AR: variants seen among roughly 807,000 people sequenced by gnomAD.
AR encodes androgen receptor, also known as dihydrotestosterone receptor.
In AR, 8 loss-of-function variants were observed where a neutral mutation model predicts 53.9. The observed-to-expected ratio is 0.15, with a 90% CI of 0.09 to 0.27. The LOEUF (loss-of-function observed/expected upper bound fraction) is 0.27. Among genes scored for constraint, AR ranks in the 10% least tolerant of loss-of-function variants. The probability of loss-of-function intolerance (pLI) is 1.00; values close to 1 mark genes in which losing one functional copy is unlikely to be tolerated. For synonymous variants in AR, 359 were observed against 316.4 expected (o/e 1.13, Z -1.43); for missense variants, 639 against 742.5 (o/e 0.86, Z 1.62).
At chrX:67,714,743 T>C (rs184512189) in intron 4 of AR, among the ~76,000 whole-genome samples, 66 of 112,187 alleles carry the variant, frequency 5.9e-4, no homozygotes, top group African/African-American at 2.1e-3. Flanking sequence ...CAAATGGGTG[T>C]TGAGTGAATG....
At chrX:67,675,183 C>T (rs977312851) in intron 2 of AR, among the ~76,000 whole-genome samples, 2 of 108,376 alleles carry the variant, frequency 1.8e-5, no homozygotes, top group African/African-American at 6.7e-5. Context: ...AGACCAAGTC[C>T]TCTTTACTCT....
intron 1 of AR, among the ~76,000 whole-genome samples, chrX:67,586,823 T>C (rs915386547): frequency 8.9e-6 from 1 of 111,733 alleles, no homozygotes; most frequent in African/African-American, 3.3e-5. Flanking sequence ...GTTATAGAGT[T>C]GGCCCCAGCT....
intron 3 of AR, chrX:67,694,979 A>G: frequency 2.1e-6 from 2 of 948,029 alleles, no homozygotes; most frequent in Non-Finnish European, 2.6e-6. Context: ...TGTGAGTATC[A>G]TGATTATTGT....
At chrX:67,708,576 C>T (rs192985930) in intron 3 of AR, among the ~76,000 whole-genome samples, 67 of 111,548 alleles carry the variant, frequency 6.0e-4, no homozygotes, top group African/African-American at 1.9e-3. Flanking sequence ...AACTTCTTTG[C>T]GATGGGTTCA....
intron 2 of AR, among the ~76,000 whole-genome samples, chrX:67,669,429 A>G (rs1279475905): frequency 9.0e-6 from 1 of 111,606 alleles, no homozygotes; most frequent in African/African-American, 3.2e-5. Context: ...GCAATTGTTA[A>G]TAATTTTTTT....
rs368345903 is a variant in AR at position 67,546,103 on chromosome X, G to T, written c.957G>T (p.Gly319=). 9.1e-6 allele frequency: 11 copies of T among 1,211,182 alleles called. No individual in the cohort carries two copies. The highest frequency in any genetic ancestry group is 1.2e-5 in the Non-Finnish European group (11 of 895,425). Residue 319 remains glycine (G), a synonymous_variant, in exon 1 of 8, where the codon GGG becomes GGT. Coordinates refer to ENST00000374690, the MANE Select transcript of AR (RefSeq NM_000044.6). The part of the protein sequence containing the change: ...YSPFKGGYTK[G]LEGESLGCSG... ...CTTTCAAGGGAGGTTACACCAAAGG[G>T]CTAGAAGGCGAGAGCCTAGGCTGCT...
At chrX:67,699,117 C>A (rs779431967) in intron 3 of AR, among the ~76,000 whole-genome samples, 8 of 112,241 alleles carry the variant, frequency 7.1e-5, no homozygotes, top group Non-Finnish European at 1.3e-4. Flanking sequence ...AAGATGTATT[C>A]ATTTTCTATT....
intron 2 of AR, among the ~76,000 whole-genome samples, chrX:67,649,585 G>A (rs866171957): frequency 1.1e-4 from 12 of 112,284 alleles, no homozygotes; most frequent in African/African-American, 3.6e-4. Context: ...CATTGACATG[G>A]TATCTCACTG....
In AR at chrX:67,544,845, TTTTG is replaced by T; in HGVS notation, c.-298_-295del. 8.5e-6 allele frequency: 2 copies of T among 235,824 alleles called. No individual in the cohort carries two copies. The highest frequency in any genetic ancestry group is 1.5e-5 in the Non-Finnish European group (2 of 131,239). 19.4% of individuals were successfully genotyped at this position (235,824 alleles called of 1,213,427 possible). On this transcript the variant is annotated 5_prime_UTR_variant, in exon 1 of 8. Coordinates refer to ENST00000374690, the MANE Select transcript of AR (RefSeq NM_000044.6). ...GACACTGAATTTGGAAGGTGGAGGA[TTTTG>T]TTTTTTTCTTTTAAGATCTGGGCAT...
chrX:67,572,967 A>C (rs1462455680), intron 1 of AR, among the ~76,000 whole-genome samples: 1 of 111,943 alleles, frequency 8.9e-6, no homozygotes, highest in Non-Finnish European at 1.9e-5. Context: ...CGTGGGTAAG[A>C]ATCTTCGTCT....
At chrX:67,653,164 G>T (rs940450664) in intron 2 of AR, among the ~76,000 whole-genome samples, 1 of 111,953 alleles carries the variant, frequency 8.9e-6, no homozygotes, top group Non-Finnish European at 1.9e-5. Flanking sequence ...AGCTAAAATT[G>T]TTTATTGAGC....
intron 2 of AR, among the ~76,000 whole-genome samples, chrX:67,679,111 T>G (rs1223646143): frequency 9.0e-6 from 1 of 111,413 alleles, no homozygotes; most frequent in Non-Finnish European, 1.9e-5. Flanking sequence ...CTAGAATGCA[T>G]ACATATATCA....
chrX:67,676,625 C>T lies in AR; in HGVS notation c.1769-9385C>T, dbSNP rs180783919. 7.2e-5 allele frequency among the ~76,000 whole-genome samples: 8 copies of T among 111,378 alleles called. No homozygotes were observed. The East Asian group carries it at 2.3e-3, about 32-fold the overall frequency. ...GGGTTTATGGCAAAAGTAAAACTTG[C>T]TCCAGGAGCAAGCCCTTGTTTCATT... On this transcript the variant is annotated intron_variant, in intron 2 of 7. Transcript: ENST00000374690.
chrX:67,674,598 A>T (rs2075887973), intron 2 of AR, among the ~76,000 whole-genome samples: 1 of 111,284 alleles, frequency 9.0e-6, no homozygotes, highest in Non-Finnish European at 1.9e-5. Context: ...GTTCATGGCA[A>T]GTATTGTCTG....
chrX:67,546,102 G>A lies in AR; in HGVS notation c.956G>A (p.Gly319Glu), dbSNP rs2147319325. 1 of 1,212,231 alleles carries A rather than the reference G, an allele frequency of 8.2e-7. No individual in the cohort carries two copies. The highest frequency in any genetic ancestry group is 1.1e-6 in the Non-Finnish European group (1 of 895,604). ...CCTTTCAAGGGAGGTTACACCAAAGGGCTAGAAGGCGAGAGCCTAGGCTGC... is the reference window on the plus strand; with the variant it reads ...CCTTTCAAGGGAGGTTACACCAAAGAGCTAGAAGGCGAGAGCCTAGGCTGC... ...YSPFKGGYTKGLEGESLGCSG... is the reference protein window; with the variant it reads ...YSPFKGGYTKELEGESLGCSG... Residue 319 changes from glycine (G) to glutamate (E), a missense_variant, in exon 1 of 8, where the codon GGG becomes GAG. By Grantham distance (98) the Gly-to-Glu change is moderately conservative. Around this residue, in one of 5 missense-constraint regions of AR, gnomAD observed 423 missense variants for 377.0 expected, o/e 1.12. Coordinates refer to ENST00000374690, the MANE Select transcript of AR (RefSeq NM_000044.6).
intron 3 of AR, among the ~76,000 whole-genome samples, chrX:67,706,111 T>C (rs771154900): frequency 0.011 from 1,199 of 111,792 alleles, 12 homozygotes; most frequent in Middle Eastern, 0.018. Flanking sequence ...AATTCTCTTT[T>C]TTTGTTGTGT....
intron 5 of AR, among the ~76,000 whole-genome samples, chrX:67,721,054 T>C (rs2076133737): frequency 9.0e-6 from 1 of 111,531 alleles, no homozygotes. Context: ...CCCCATATAA[T>C]TTATAGGTGA....
At position 67,725,290 on chromosome X, in the gene AR, G is replaced by C. The variant is rs968717462; in HGVS notation, c.*1449G>C. 5.8e-6 allele frequency: 1 copy of C among 172,989 alleles called. No homozygotes were observed. Among genetic ancestry groups the C allele is most frequent in the Non-Finnish European group, 1.1e-5 (1 of 91,029 alleles). The allele number at this position is 172,989 out of a possible 1,213,427, so 14.3% of individuals were successfully genotyped here. A position where few individuals can be genotyped will look rare whatever the true frequency, so the allele number is the denominator to read the frequency against. On this transcript the variant is annotated 3_prime_UTR_variant, in exon 8 of 8. Coordinates refer to ENST00000374690, the MANE Select transcript of AR (RefSeq NM_000044.6). ...AAGATTTCTTACCAACTCTCAGATC[G>C]CTGGAGCCCTTAGACAAACTGGAAA...
At chrX:67,641,565 T>G (rs1925766459) in intron 1 of AR, among the ~76,000 whole-genome samples, 1 of 111,998 alleles carries the variant, frequency 8.9e-6, no homozygotes, top group Non-Finnish European at 1.9e-5. Context: ...AGTAAGCTCC[T>G]TCCATGTGGA....
Sources: allele counts gnomAD v4.1 joint callset (sites outside exome capture counted in the v4.1 genomes callset), GRCh38; gene constraint gnomAD v4.1.1; regional missense constraint gnomAD v4.1.1; transcripts MANE v1.5; gene names NCBI Gene and HGNC (gene_info 2026-07-23, HGNC 2026-07-21).